The following ABCA4 variants were observed in gnomAD, a reference collection of about 807,000 sequenced individuals.
ABCA4 encodes ATP binding cassette subfamily A member 4, also known as retinal-specific phospholipid-transporting ATPase ABCA4.
A neutral mutation model predicts 263.7 loss-of-function variants in ABCA4; 196 were observed. The ratio of observed to expected loss-of-function variants is 0.74; its 90% CI spans 0.66 to 0.84. The LOEUF is 0.84. Ranked by LOEUF, ABCA4 falls within the 40% of genes least tolerant of loss-of-function variation. ABCA4 has a pLI of 0.00. For missense variants in ABCA4, 2,792 were observed against 2,855.1 expected, an observed-to-expected ratio of 0.98 and a Z score of 0.50; for synonymous variants, 1,133 against 1,094.2, an observed-to-expected ratio of 1.04 and a Z score of -0.70.
chr1:94,001,093 TGGTGGGCTCATCCTGGGG>T lies in ABCA4; in HGVS notation c.6283-6_6294del, dbSNP rs1176862742. 6.2e-7 allele frequency: 1 copy of T among 1,613,874 alleles called. No individual in the cohort carries two copies. On this transcript the variant is annotated splice_acceptor_variant and splice_polypyrimidine_tract_variant and coding_sequence_variant and intron_variant, in exon 46 of 50. Transcript: ENST00000370225. LOFTEE classifies it high-confidence loss of function. Reference sequence around the variant, plus strand: ...CGGCGTGCCTGGGGGTCCATCCCTGTGGTGGGCTCATCCTGGGGGGTGGAGAGAAGGTTGGGGGCACAG... The same window carrying T: ...CGGCGTGCCTGGGGGTCCATCCCTGTGGTGGAGAGAAGGTTGGGGGCACAG...
chr1:94,089,279 G>A (rs557610332), intron 6 of ABCA4, among the ~76,000 whole-genome samples: 5 of 152,258 alleles, frequency 3.3e-5, no homozygotes, highest in Admixed American at 1.3e-4. Context: ...TGAATACTTA[G>A]AAGTGTTTGT....
At chr1:94,092,947 T>G (rs1267646633) in intron 6 of ABCA4, among the ~76,000 whole-genome samples, 6 of 152,222 alleles carry the variant, frequency 3.9e-5, no homozygotes, top group African/African-American at 1.2e-4. Context: ...TTTCATGAGC[T>G]GTGTAGGACA....
rs1662215202 is a variant in ABCA4 at position 94,098,955 on chromosome 1, T to C, written c.607A>G (p.Ile203Val). The change falls in exon 6 of 50, where the codon ATC becomes GTC. Residue 203 changes from isoleucine to valine, a missense_variant. Physicochemically the swap from Ile to Val is conservative, Grantham distance 29. Coordinates refer to ENST00000370225, the MANE Select transcript of ABCA4 (RefSeq NM_000350.3). ...TCCAGGAGGGCCTCGCTGCAGGCGATGTCCTTCAGCGCCAGGTCCGGGACT... is the reference window on the plus strand; with the variant it reads ...TCCAGGAGGGCCTCGCTGCAGGCGACGTCCTTCAGCGCCAGGTCCGGGACT... Reference protein sequence around the residue: ...HGVPDLALKDIACSEALLERF... With the variant: ...HGVPDLALKDVACSEALLERF... 2 of 1,611,934 alleles carry C rather than the reference T, an allele frequency of 1.2e-6. No homozygotes were observed. Among genetic ancestry groups the C allele is most frequent in the Non-Finnish European group, 1.7e-6 (2 of 1,179,996 alleles).
chr1:94,010,379 C>T (rs17110814), intron 40 of ABCA4, among the ~76,000 whole-genome samples: 4,432 of 152,258 alleles, frequency 0.029, 86 homozygotes, highest in East Asian at 0.093. Flanking sequence ...CCACATGGCT[C>T]CCATATTACT....
At chr1:94,041,867 G>A (rs899642020) in intron 22 of ABCA4, among the ~76,000 whole-genome samples, 5 of 152,166 alleles carry the variant, frequency 3.3e-5, no homozygotes, top group South Asian at 2.1e-4. Flanking sequence ...AGGACAAGGC[G>A]GGAGGATCAC....
chr1:94,029,636 T>C lies in ABCA4; in HGVS notation c.4353-5A>G, dbSNP rs555305145. On this transcript the variant is annotated splice_region_variant and splice_polypyrimidine_tract_variant and intron_variant, in intron 29 of 49. Transcript: ENST00000370225. ...GAGTTGCCACAGGGGTACTCCCTCA[T>C]GGAAGACAAGAAAATATTCCATAAT... is the stretch of plus-strand genomic sequence containing the variant. The C allele has an allele frequency of 2.5e-5, 40 of 1,612,182 alleles. 1 individual carries two copies. In the South Asian group the frequency reaches 4.1e-4, roughly 16 times the overall value.
At chr1:94,116,974 CTT>C (rs1197184568) in intron 1 of ABCA4, among the ~76,000 whole-genome samples, 1 of 86,228 alleles carries the variant, frequency 1.2e-5, no homozygotes, top group African/African-American at 4.5e-5. Context: ...CTTTCTCTTT[CTT>C]TCTTTCTTTC....
chr1:94,111,779 C>T (rs1178277552), intron 2 of ABCA4, among the ~76,000 whole-genome samples, 200 bp from the exon 3 acceptor site: 1 of 152,154 alleles, frequency 6.6e-6, no homozygotes, highest in Non-Finnish European at 1.5e-5. Context: ...CTCTCAAGCT[C>T]CCGGTGTAGT....
intron 44 of ABCA4, among the ~76,000 whole-genome samples, chr1:94,004,826 C>T (rs541824526): frequency 2.0e-5 from 3 of 152,102 alleles, no homozygotes; most frequent in African/African-American, 7.2e-5. Flanking sequence ...TCTGGTTTAT[C>T]CTTTCTACGT....
Position 94,076,814 on chromosome 1 carries a change from G to A in ABCA4, c.1554+876C>T, listed in dbSNP as rs114627043. Among the ~76,000 whole-genome samples the A allele has an allele frequency of 3.9e-3, 598 of 152,324 alleles. 6 individuals carry two copies. Among genetic ancestry groups the A allele is most frequent in the African/African-American group, 0.014 (565 of 41,574 alleles). Reference sequence around the variant, plus strand: ...CCTTGGAATGGGCTGGCGCAGAGATGACAAGGCCTCTAGTCCTCAGAGAGC... The same window carrying A: ...CCTTGGAATGGGCTGGCGCAGAGATAACAAGGCCTCTAGTCCTCAGAGAGC... On this transcript the variant is annotated intron_variant, in intron 11 of 49. Coordinates refer to ENST00000370225, the MANE Select transcript of ABCA4 (RefSeq NM_000350.3).
At chr1:94,091,330 T>C (rs1279525249) in intron 6 of ABCA4, among the ~76,000 whole-genome samples, 1 of 152,154 alleles carries the variant, frequency 6.6e-6, no homozygotes, top group Non-Finnish European at 1.5e-5. Flanking sequence ...CATCTCTGAA[T>C]ACTGCCTAGT....
intron 43 of ABCA4, among the ~76,000 whole-genome samples, chr1:94,005,804 T>G (rs1659363060): frequency 6.6e-6 from 1 of 152,218 alleles, no homozygotes; most frequent in African/African-American, 2.4e-5. Flanking sequence ...CTAGGATTAA[T>G]TGAATCCCTG....
intron 22 of ABCA4, among the ~76,000 whole-genome samples, chr1:94,042,510 T>C (rs569380492): frequency 2.8e-4 from 43 of 152,330 alleles, no homozygotes; most frequent in African/African-American, 8.9e-4. Context: ...ACAGAAGGGC[T>C]GCAGGTCAAG....
chr1:94,083,303 T>C, intron 7 of ABCA4, 49 bp downstream of exon 7: 1 of 1,411,032 alleles, frequency 7.1e-7, no homozygotes, highest in Non-Finnish European at 1.0e-6. Context: ...GTGGGGTAAA[T>C]GGTGGAAAGA....
Position 94,063,337 on chromosome 1 carries a change from T to A in ABCA4, c.1555-20A>T. On this transcript the variant is annotated intron_variant, in intron 11 of 49. Coordinates refer to ENST00000370225, the MANE Select transcript of ABCA4 (RefSeq NM_000350.3). ...CAAGCACTGCAGAGAGTCACAAAGT[T>A]GAGAGAGTGTGAGGAGGACCAACTG... 1 of 1,611,210 alleles carries A rather than the reference T, an allele frequency of 6.2e-7. No homozygotes were observed. The highest frequency in any genetic ancestry group is 1.7e-5 in the Admixed American group (1 of 60,014).
Position 94,060,550 on chromosome 1 carries a change from G to A in ABCA4, c.2147C>T (p.Thr716Met), listed in dbSNP as rs61749426. 54 of 1,613,808 alleles carry A rather than the reference G, an allele frequency of 3.3e-5. No individual in the cohort carries two copies. The highest frequency in any genetic ancestry group is 6.6e-5 in the South Asian group (6 of 91,078). ...SIMSMSIFLL[T>M]IFIMHGRILH... ...CATTTGGCTTACCATGATGAATATC[G>A]TCAGGAGGAAGATGCTCATCGACAT... Residue 716 changes from threonine to methionine, a missense_variant, in exon 14 of 50, where the codon ACG becomes ATG. Coordinates refer to ENST00000370225, the MANE Select transcript of ABCA4 (RefSeq NM_000350.3).
Position 94,037,374 on chromosome 1 carries a change from G to GGAAA in ABCA4, c.3608-25_3608-24insTTTC, listed in dbSNP as rs1467287808. ...CCCTAGGACAAGAAAAAAGACTGAT[G>GGAAA]CCAGCTCTGTTTTCCAGAAACTGGA... On this transcript the variant is annotated intron_variant, in intron 24 of 49. Coordinates refer to ENST00000370225, the MANE Select transcript of ABCA4 (RefSeq NM_000350.3). 6 of 1,606,568 alleles carry GGAAA rather than the reference G, an allele frequency of 3.7e-6. No homozygotes were observed. The African/African-American group carries it at 6.7e-5, about 18-fold the overall frequency.
At position 94,001,879 on chromosome 1, in the gene ABCA4, G is replaced by A; in HGVS notation, c.6261C>T (p.Gly2087=). Residue 2087 remains glycine, a synonymous_variant, in exon 45 of 50, where the codon GGC becomes GGT. Coordinates refer to ENST00000370225, the MANE Select transcript of ABCA4 (RefSeq NM_000350.3). ...RKLSTAIALI[G]CPPLVLLDEP... ...TTACCAGCAGCACCAGCGGTGGGCA[G>A]CCAATGAGTGCGATGGCTGTGGAGA... The A allele has an allele frequency of 1.2e-6, 2 of 1,614,220 alleles. No individual in the cohort carries two copies. Among genetic ancestry groups the A allele is most frequent in the Non-Finnish European group, 1.7e-6 (2 of 1,180,038 alleles).
In ABCA4 at chr1:94,088,872, C is replaced by T. The variant is rs186205650; in HGVS notation, c.769-5431G>A. ...CCCAGAGGCACAACCTAAGGAACAG[C>T]CACACTCATGTCTCCAGGGAGGCTG... On this transcript the variant is annotated intron_variant, in intron 6 of 49. Transcript: ENST00000370225. Among the ~76,000 whole-genome samples the T allele has an allele frequency of 1.5e-3, 225 of 152,328 alleles. 1 individual carries two copies. Among genetic ancestry groups the T allele is most frequent in the Non-Finnish European group, 1.5e-3 (100 of 68,036 alleles).
Sources: gnomAD v4.1 joint callset for allele counts (sites outside exome capture counted in the v4.1 genomes callset) on GRCh38, gnomAD v4.1.1 for gene constraint, MANE v1.5 for transcripts, NCBI Gene and HGNC (gene_info 2026-07-23, HGNC 2026-07-21) for gene names.